GTF2F2: variants seen among roughly 807,000 people sequenced by gnomAD.
GTF2F2 encodes general transcription factor IIF subunit 2, also known as ATP-dependent helicase GTF2F2.
A neutral mutation model predicts 42.2 loss-of-function variants in GTF2F2; 23 were observed. The ratio of observed to expected loss-of-function variants is 0.55; its 90% CI spans 0.39 to 0.77. The LOEUF (loss-of-function observed/expected upper bound fraction) is 0.77. Among genes scored for constraint, GTF2F2 ranks in the 30% least tolerant of loss-of-function variants. GTF2F2 has a pLI of 0.00. For missense variants in GTF2F2, 261 were observed against 287.2 expected, an observed-to-expected ratio of 0.91 and a Z score of 0.66; for synonymous variants, 105 against 100.8, an observed-to-expected ratio of 1.04 and a Z score of -0.25.
chr13:45,174,701 C>A lies in GTF2F2; in HGVS notation c.304+22870C>A, dbSNP rs559797110. Reference sequence around the variant, plus strand: ...TTACAGGTCCTGGATACATGACATACCTGGAAGCCATACACAGAGGTCAGG... The same window carrying A: ...TTACAGGTCCTGGATACATGACATAACTGGAAGCCATACACAGAGGTCAGG... On this transcript the variant is annotated intron_variant, in intron 4 of 7. Transcript: ENST00000340473. 5.6e-5 allele frequency among the ~76,000 whole-genome samples: 8 copies of A among 143,184 alleles called. No homozygotes were observed. In the East Asian group the frequency reaches 1.7e-3, roughly 30 times the overall value. The allele number at this position is 143,184 out of a possible 152,430, so 93.9% of individuals were successfully genotyped here.
rs528758941 is a variant in GTF2F2, at chr13:45,262,714, C to T, written c.487-4519C>T. On this transcript the variant is annotated intron_variant, in intron 6 of 7. Coordinates refer to ENST00000340473, the MANE Select transcript of GTF2F2 (RefSeq NM_004128.3). ...GATAACAGGTGTGAGCCACTGCGCC[C>T]GGCCTAATCTTTATTTTGTTATTTA... 1.3e-3 allele frequency among the ~76,000 whole-genome samples: 205 copies of T among 151,926 alleles called. 1 individual carries two copies. The highest frequency in any genetic ancestry group is 2.5e-3 in the Non-Finnish European group (167 of 67,958).
chr13:45,128,962 G>C (rs1477877750), intron 1 of GTF2F2, among the ~76,000 whole-genome samples: 1 of 152,094 alleles, frequency 6.6e-6, no homozygotes, highest in South Asian at 2.1e-4. Flanking sequence ...TCTTAAATTT[G>C]CCTTAATGTA....
intron 3 of GTF2F2, 150 bp downstream of exon 3, chr13:45,149,938 G>A: frequency 1.6e-6 from 1 of 625,074 alleles, no homozygotes; most frequent in Non-Finnish European, 2.4e-6. Flanking sequence ...TGCCACCCTT[G>A]TGTGAATGAA....
chr13:45,204,516 G>A (rs1010108488), intron 4 of GTF2F2, among the ~76,000 whole-genome samples: 2 of 152,210 alleles, frequency 1.3e-5, no homozygotes, highest in Non-Finnish European at 2.9e-5. Flanking sequence ...CAGCAGTAAT[G>A]TGCAAGTGGG....
chr13:45,149,301 G>A (rs1701923053), intron 2 of GTF2F2, among the ~76,000 whole-genome samples: 1 of 151,640 alleles, frequency 6.6e-6, no homozygotes, highest in South Asian at 2.1e-4. Flanking sequence ...AAGTTAGCTG[G>A]GTGTGATGGC....
rs79854174 is a variant in GTF2F2, at chr13:45,249,754, G to A, written c.387-3117G>A. 3.3e-5 allele frequency among the ~76,000 whole-genome samples: 5 copies of A among 152,178 alleles called. No homozygotes were observed. The East Asian group carries it at 5.8e-4, about 18-fold the overall frequency. ...ACTGAAACAGGGAAGATAATTTAGC[G>A]GCAACATAACAGATTACCATTTAGA... is the stretch of plus-strand genomic sequence containing the variant. On this transcript the variant is annotated intron_variant, in intron 5 of 7. Transcript: ENST00000340473.
rs180765799 is a variant in GTF2F2, at chr13:45,153,599, A to G, written c.304+1768A>G. Among the ~76,000 whole-genome samples, 224 of 152,286 alleles carry G rather than the reference A, an allele frequency of 1.5e-3. 2 individuals carry two copies. The highest frequency in any genetic ancestry group is 2.1e-4 in the Non-Finnish European group (14 of 68,024). ...CTTCAACAAATATTTATTGCGTGCT[A>G]CATAGTTCAGGGCATAGTATAGGCC... On this transcript the variant is annotated intron_variant, in intron 4 of 7. Coordinates refer to ENST00000340473, the MANE Select transcript of GTF2F2 (RefSeq NM_004128.3).
At chr13:45,181,244 A>G (rs1191390973) in intron 4 of GTF2F2, among the ~76,000 whole-genome samples, 1 of 151,610 alleles carries the variant, frequency 6.6e-6, no homozygotes, top group Non-Finnish European at 1.5e-5. Flanking sequence ...CATGGCATCA[A>G]TTCCCTTCAT....
At chr13:45,123,935 G>A in intron 1 of GTF2F2, 1 of 548,844 alleles carries the variant, frequency 1.8e-6, no homozygotes, top group East Asian at 3.3e-5. Context: ...TGGGGACTGA[G>A]TATGGCAGGG....
chr13:45,204,104 T>G (rs1188715595), intron 4 of GTF2F2, among the ~76,000 whole-genome samples: 1 of 152,222 alleles, frequency 6.6e-6, no homozygotes, highest in South Asian at 2.1e-4. Flanking sequence ...TTTGGGAGTC[T>G]ATACATTTTT....
At chr13:45,193,740 G>A (rs747563889) in intron 4 of GTF2F2, 9 of 1,520,898 alleles carry the variant, frequency 5.9e-6, no homozygotes, top group East Asian at 2.3e-5. Flanking sequence ...GTGGTTTTCC[G>A]AAGCTTGCTG....
At chr13:45,266,322 A>G (rs2138263386) in intron 6 of GTF2F2, among the ~76,000 whole-genome samples, 1 of 152,192 alleles carries the variant, frequency 6.6e-6, no homozygotes, top group East Asian at 1.9e-4. Context: ...TGTGTCTGAG[A>G]TGATAAGTAT....
At chr13:45,273,194 G>A (rs975599352) in intron 7 of GTF2F2, among the ~76,000 whole-genome samples, 2 of 150,910 alleles carry the variant, frequency 1.3e-5, no homozygotes, top group Non-Finnish European at 3.0e-5. Context: ...CCAAAGTGCT[G>A]GGATTACAGG....
intron 7 of GTF2F2, among the ~76,000 whole-genome samples, chr13:45,273,408 TG>T (rs1876885177): frequency 6.6e-6 from 1 of 152,024 alleles, no homozygotes; most frequent in South Asian, 2.1e-4. Context: ...CTGAATGAGG[TG>T]AAATTTGGGG....
At chr13:45,203,432 A>G (rs1176665684) in intron 4 of GTF2F2, among the ~76,000 whole-genome samples, 1 of 152,080 alleles carries the variant, frequency 6.6e-6, no homozygotes, top group African/African-American at 2.4e-5. Flanking sequence ...GAAAAGGAGC[A>G]AGAACTTAGA....
At position 45,142,019 on chromosome 13, in the gene GTF2F2, C is replaced by A. The variant is rs184323901; in HGVS notation, c.140+5213C>A. 1.5e-3 allele frequency among the ~76,000 whole-genome samples: 234 copies of A among 152,294 alleles called. 1 individual carries two copies. The highest frequency in any genetic ancestry group is 2.9e-3 in the Non-Finnish European group (200 of 68,024). ...TTGGTTTACTTTGTTGCATCTTGAT[C>A]TCTTCCCTAGAGTACATGGCCAGTA... On this transcript the variant is annotated intron_variant, in intron 2 of 7. Coordinates refer to ENST00000340473, the MANE Select transcript of GTF2F2 (RefSeq NM_004128.3).
chr13:45,268,914 AT>A (rs2138266280), intron 7 of GTF2F2, among the ~76,000 whole-genome samples: 1 of 152,212 alleles, frequency 6.6e-6, no homozygotes, highest in South Asian at 2.1e-4. Flanking sequence ...TTCTTAAGAT[AT>A]TTTTTATATG....
intron 7 of GTF2F2, among the ~76,000 whole-genome samples, chr13:45,282,162 C>T (rs1877295318): frequency 1.3e-5 from 2 of 152,224 alleles, no homozygotes; most frequent in South Asian, 2.1e-4. Flanking sequence ...CATGCCACTG[C>T]ACTCCAGCTT....
At chr13:45,136,589 TTA>T (rs1230247778) in intron 1 of GTF2F2, 142 bp from the exon 2 acceptor site, 26 of 499,766 alleles carry the variant, frequency 5.2e-5, no homozygotes, top group Admixed American at 5.0e-4. Context: ...TCTTAGTATT[TTA>T]TATAGTGTAA....
Sources: allele counts gnomAD v4.1 joint callset (sites outside exome capture counted in the v4.1 genomes callset), GRCh38; gene constraint gnomAD v4.1.1; transcripts MANE v1.5; gene names NCBI Gene and HGNC (gene_info 2026-07-23, HGNC 2026-07-21).